AGBL1: variants seen among roughly 807,000 people sequenced by gnomAD.
AGBL1 encodes AGBL carboxypeptidase 1, also known as cytosolic carboxypeptidase 4.
Under a neutral mutation model 118.9 loss-of-function variants are expected in AGBL1, and 130 were observed. That is an observed-to-expected ratio of 1.09 (90% confidence interval 0.95 to 1.26). The LOEUF (loss-of-function observed/expected upper bound fraction) is 1.26. AGBL1 is among the 50% of genes most tolerant of loss of function. AGBL1 has a pLI of 0.00. For missense variants in AGBL1, 1,584 were observed against 1,298.1 expected, an observed-to-expected ratio of 1.22 and a Z score of -3.38; for synonymous variants, 555 against 478.9, an observed-to-expected ratio of 1.16 and a Z score of -2.08.
At position 86,772,926 on chromosome 15, in the gene AGBL1, A is replaced by G. The variant is rs116301415; in HGVS notation, c.3158+98490A>G. Among the ~76,000 whole-genome samples, 335 of 152,122 alleles carry G rather than the reference A, an allele frequency of 2.2e-3. 3 individuals carry two copies. The highest frequency in any genetic ancestry group is 7.5e-3 in the African/African-American group (310 of 41,548). ...TAAGGAGTGACTGAAGAGAGAGGAA[A>G]TGGAGATAAGTTATCATAAACAACC... is the stretch of plus-strand genomic sequence containing the variant. On this transcript the variant is annotated intron_variant, in intron 22 of 22. Transcript: ENST00000614907.
At chr15:86,932,573 A>T (rs140934644) in intron 23 of AGBL1, among the ~76,000 whole-genome samples, 127 of 152,340 alleles carry the variant, frequency 8.3e-4, no homozygotes, top group African/African-American at 3.0e-3. Flanking sequence ...AATAAATCAA[A>T]TCACCAGTCT....
chr15:86,554,195 C>A (rs1295234402), intron 20 of AGBL1, among the ~76,000 whole-genome samples, 166 bp from the exon 21 acceptor site: 4 of 152,038 alleles, frequency 2.6e-5, no homozygotes, highest in African/African-American at 9.7e-5. Context: ...TCCTCATCTG[C>A]AAAATGATTT....
At chr15:86,250,480 C>T (rs2078794677) in intron 7 of AGBL1, among the ~76,000 whole-genome samples, 1 of 119,876 alleles carries the variant, frequency 8.3e-6, no homozygotes, top group East Asian at 2.8e-4. Context: ...GAGTTGAGAT[C>T]ACACCATTGC....
At chr15:86,446,072 G>A (rs2082117072) in intron 18 of AGBL1, among the ~76,000 whole-genome samples, 2 of 152,164 alleles carry the variant, frequency 1.3e-5, no homozygotes, top group Admixed American at 1.3e-4. Flanking sequence ...TGGAAAGGAA[G>A]CAAGACTATA....
At chr15:86,415,184 C>G (rs902569402) in intron 18 of AGBL1, among the ~76,000 whole-genome samples, 5 of 152,270 alleles carry the variant, frequency 3.3e-5, no homozygotes, top group Admixed American at 2.6e-4. Flanking sequence ...CCTTTGTACT[C>G]CCCACCAATG....
chr15:86,980,369 A>C (rs967608716), intron 23 of AGBL1, among the ~76,000 whole-genome samples: 2 of 152,190 alleles, frequency 1.3e-5, no homozygotes, highest in African/African-American at 4.8e-5. Context: ...CTGCGGGAGC[A>C]TTCCAAAAAA....
intron 22 of AGBL1, among the ~76,000 whole-genome samples, chr15:86,842,856 C>A (rs958234610): frequency 1.3e-5 from 2 of 152,128 alleles, no homozygotes; most frequent in African/African-American, 4.8e-5. Flanking sequence ...GCAATTCAGT[C>A]AGAGGTATAG....
chr15:86,973,901 A>G (rs1261015583), intron 23 of AGBL1, among the ~76,000 whole-genome samples: 1 of 144,766 alleles, frequency 6.9e-6, no homozygotes, highest in African/African-American at 2.5e-5. Context: ...ACATATATAT[A>G]TTAAATATAA....
At chr15:86,706,654 G>T (rs564714530) in intron 22 of AGBL1, among the ~76,000 whole-genome samples, 1 of 152,280 alleles carries the variant, frequency 6.6e-6, no homozygotes, top group South Asian at 2.1e-4. Flanking sequence ...TACGTAGACA[G>T]TTAACACAGT....
chr15:86,665,187 G>A (rs1316624741), intron 21 of AGBL1, among the ~76,000 whole-genome samples: 4 of 152,120 alleles, frequency 2.6e-5, no homozygotes, highest in African/African-American at 9.7e-5. Context: ...ATTCACTCAA[G>A]TTTATTTGAC....
intron 5 of AGBL1, among the ~76,000 whole-genome samples, chr15:86,191,740 C>G (rs972233424): frequency 2.6e-5 from 4 of 151,862 alleles, no homozygotes; most frequent in African/African-American, 9.7e-5. Context: ...GTTGGGAAAT[C>G]TTCCTCCATT....
intron 24 of AGBL1, among the ~76,000 whole-genome samples, chr15:87,001,187 G>A (rs903423818): frequency 6.7e-6 from 1 of 148,520 alleles, no homozygotes; most frequent in Non-Finnish European, 1.5e-5. Context: ...GGGACAATTT[G>A]ACTTCCTCTT....
chr15:86,232,143 C>G (rs2078466069), intron 6 of AGBL1, among the ~76,000 whole-genome samples: 1 of 152,206 alleles, frequency 6.6e-6, no homozygotes, highest in African/African-American at 2.4e-5. Context: ...TCCTGGGCTC[C>G]AAATTCAGTC....
At position 86,766,866 on chromosome 15, in the gene AGBL1, CA is replaced by C. The variant is rs1275153635; in HGVS notation, c.3158+92431del. The stretch of plus-strand genomic sequence containing the variant: ...ACAAAATAATCTACACACACACACA[CA>C]CACCCCTCTGCTCTGAGAATTAACA... On this transcript the variant is annotated intron_variant, in intron 22 of 22. Coordinates refer to ENST00000614907, the MANE Select transcript of AGBL1 (RefSeq NM_001386094.1). Among the ~76,000 whole-genome samples, 16 of 151,978 alleles carry C rather than the reference CA, an allele frequency of 1.1e-4. No individual in the cohort carries two copies. In the East Asian group the frequency reaches 1.2e-3, roughly 11 times the overall value.
At position 86,787,289 on chromosome 15, in the gene AGBL1, G is replaced by A. The variant is rs76978421; in HGVS notation, c.3158+112853G>A. ...CCTAAAATCTATTAACAAATTTTCA[G>A]TATGCAATACAGTATTATTAACTAT... On this transcript the variant is annotated intron_variant, in intron 22 of 22. Coordinates refer to ENST00000614907, the MANE Select transcript of AGBL1 (RefSeq NM_001386094.1). 2.0e-5 allele frequency among the ~76,000 whole-genome samples: 3 copies of A among 152,018 alleles called. No homozygotes were observed. The East Asian group carries it at 5.8e-4, about 29-fold the overall frequency.
chr15:86,250,778 AT>A (rs1157349753), intron 7 of AGBL1, among the ~76,000 whole-genome samples: 3 of 152,166 alleles, frequency 2.0e-5, no homozygotes, highest in Non-Finnish European at 4.4e-5. Flanking sequence ...GTGAGCACAG[AT>A]GCCCTTGCAG....
chr15:86,287,606 C>G (rs2079474768), intron 16 of AGBL1, among the ~76,000 whole-genome samples: 1 of 152,132 alleles, frequency 6.6e-6, no homozygotes, highest in Non-Finnish European at 1.5e-5. Flanking sequence ...ACTGTCCTTT[C>G]CCCATTGCAT....
intron 22 of AGBL1, among the ~76,000 whole-genome samples, chr15:86,754,934 A>G (rs929000838): frequency 6.6e-6 from 1 of 151,746 alleles, no homozygotes; most frequent in African/African-American, 2.4e-5. Context: ...TTTCGATTTC[A>G]TTTTCTTCCC....
intron 22 of AGBL1, among the ~76,000 whole-genome samples, chr15:86,858,964 C>G (rs2079523732): frequency 6.6e-6 from 1 of 152,056 alleles, no homozygotes; most frequent in African/African-American, 2.4e-5. Context: ...ATTAGAACCT[C>G]AAAAAAGGCT....
Sources: allele counts gnomAD v4.1 joint callset (sites outside exome capture counted in the v4.1 genomes callset), GRCh38; gene constraint gnomAD v4.1.1; transcripts MANE v1.5; gene names NCBI Gene and HGNC (gene_info 2026-07-23, HGNC 2026-07-21).